POFUT3: variants seen among roughly 807,000 people sequenced by gnomAD.
POFUT3 encodes the protein GDP-fucose protein O-fucosyltransferase 3.
the POFUT3 span, among the ~76,000 whole-genome samples, chr8:33,346,163 G>GAA: frequency 9.0e-3 from 1,247 of 138,374 alleles, 12 homozygotes; most frequent in East Asian, 0.027. Context: ...GCAGTGGAAA[G>GAA]AAAAAAAAAA....
the POFUT3 span, among the ~76,000 whole-genome samples, chr8:33,387,123 T>A: frequency 6.6e-6 from 1 of 152,024 alleles, no homozygotes; most frequent in Admixed American, 6.6e-5. Context: ...GTGTGTGTAT[T>A]TAATTTTTTG....
chr8:33,367,471 C>G, the POFUT3 span, among the ~76,000 whole-genome samples: 2 of 152,046 alleles, frequency 1.3e-5, no homozygotes, highest in South Asian at 4.1e-4. Flanking sequence ...TTAATAAATA[C>G]GTGGGTAAAT....
chr8:33,393,303 C>A, the POFUT3 span, among the ~76,000 whole-genome samples: 2 of 152,220 alleles, frequency 1.3e-5, no homozygotes, highest in South Asian at 4.1e-4. Flanking sequence ...ATTTCAGATT[C>A]AAACTTTCAT....
At chr8:33,448,656 G>A in the POFUT3 span, among the ~76,000 whole-genome samples, 2 of 151,970 alleles carry the variant, frequency 1.3e-5, no homozygotes, top group Non-Finnish European at 2.9e-5. Context: ...AGTCTCGGCA[G>A]GGCATGATGG....
the POFUT3 span, among the ~76,000 whole-genome samples, chr8:33,374,296 G>A: frequency 6.6e-6 from 1 of 152,202 alleles, no homozygotes; most frequent in Non-Finnish European, 1.5e-5. Context: ...AGGATGCAAT[G>A]AGAACACGTT....
At chr8:33,318,000 G>T in the POFUT3 span, among the ~76,000 whole-genome samples, 1 of 152,056 alleles carries the variant, frequency 6.6e-6, no homozygotes, top group Non-Finnish European at 1.5e-5. Flanking sequence ...ACAAATGTCT[G>T]GTGAATAAAA....
At chr8:33,364,286 C>T in the POFUT3 span, among the ~76,000 whole-genome samples, 1 of 152,228 alleles carries the variant, frequency 6.6e-6, no homozygotes, top group South Asian at 2.1e-4. Context: ...ATAATAAGAG[C>T]TATTTATAAC....
chr8:33,397,987 C>G, the POFUT3 span, among the ~76,000 whole-genome samples: 1 of 152,026 alleles, frequency 6.6e-6, no homozygotes, highest in African/African-American at 2.4e-5. Flanking sequence ...TCTGGGACTT[C>G]AAAGATAAAC....
At chr8:33,389,864 G>C in the POFUT3 span, 4 of 1,133,842 alleles carry the variant, frequency 3.5e-6, no homozygotes, top group African/African-American at 6.2e-5. Context: ...GGGTCTACCT[G>C]GTAAGATTAG....
At chr8:33,407,589 AT>A in the POFUT3 span, among the ~76,000 whole-genome samples, 184 of 151,930 alleles carry the variant, frequency 1.2e-3, no homozygotes, top group Non-Finnish European at 1.9e-3. Flanking sequence ...GTTAAAAAAA[AT>A]TTTTTATCTC....
At chr8:33,413,583 A>C in the POFUT3 span, among the ~76,000 whole-genome samples, 65 of 152,160 alleles carry the variant, frequency 4.3e-4, 1 homozygote, top group African/African-American at 1.3e-3. Flanking sequence ...ACAAAGACAC[A>C]CTCATATCTT....
the POFUT3 span, among the ~76,000 whole-genome samples, chr8:33,326,575 C>T: frequency 2.0e-5 from 3 of 152,122 alleles, no homozygotes; most frequent in Non-Finnish European, 4.4e-5. Flanking sequence ...CTCAGGAGCT[C>T]GGGGTATTTC....
chr8:33,435,002 G>A, the POFUT3 span, among the ~76,000 whole-genome samples: 14 of 152,178 alleles, frequency 9.2e-5, no homozygotes, highest in Admixed American at 2.0e-4. Flanking sequence ...ATGACCCAGA[G>A]TGCTGGGGCA....
the POFUT3 span, among the ~76,000 whole-genome samples, chr8:33,334,123 T>C: frequency 0.26 from 38,934 of 152,060 alleles, 5,304 homozygotes; most frequent in South Asian, 0.5. Flanking sequence ...TTCATAGCTG[T>C]ACAGTAACTG....
the POFUT3 span, among the ~76,000 whole-genome samples, chr8:33,392,896 G>A: frequency 6.6e-6 from 1 of 152,004 alleles, no homozygotes; most frequent in East Asian, 1.9e-4. Context: ...AAGGAGAATC[G>A]CTTGAACCTG....
the POFUT3 span, among the ~76,000 whole-genome samples, chr8:33,465,556 G>C: frequency 1.3e-5 from 2 of 152,056 alleles, no homozygotes; most frequent in African/African-American, 4.8e-5. Context: ...TCCGCCTCCT[G>C]AATTCAAGCG....
the POFUT3 span, among the ~76,000 whole-genome samples, chr8:33,370,169 T>TAAAAAAAAAAAAAA: frequency 1.0e-4 from 4 of 39,896 alleles, no homozygotes; most frequent in East Asian, 9.7e-4. Context: ...CCATCTTTAC[T>TAAAAAAAAAAAAAA]AAAAAAAAAA....
chr8:33,451,639 T>C, the POFUT3 span: 1 of 151,924 alleles, frequency 6.6e-6, no homozygotes, highest in Non-Finnish European at 1.5e-5. Context: ...TATACGTGTA[T>C]ATGTGTATGA....
At chr8:33,366,744 C>T in the POFUT3 span, among the ~76,000 whole-genome samples, 5 of 152,192 alleles carry the variant, frequency 3.3e-5, no homozygotes, top group Non-Finnish European at 7.3e-5. Flanking sequence ...GTGACAGGCT[C>T]ACTTTGTTTT....
Sources: gnomAD v4.1 joint callset for allele counts (sites outside exome capture counted in the v4.1 genomes callset) on GRCh38, gnomAD v4.1.1 for gene constraint, MANE v1.5 for transcripts, NCBI Gene and HGNC (gene_info 2026-07-23, HGNC 2026-07-21) for gene names.